NCALD: variants seen among roughly 807,000 people sequenced by gnomAD.
NCALD encodes the protein neurocalcin-delta.
NCALD carries 10 observed loss-of-function variants against 18.6 expected under a neutral mutation model. The observed-to-expected ratio is 0.54, with a 90% CI of 0.33 to 0.91. The LOEUF is 0.91. Ranked by LOEUF, NCALD falls within the 40% of genes least tolerant of loss-of-function variation. The pLI, the probability that NCALD is intolerant of heterozygous loss-of-function variation, is 0.03. For synonymous variants in NCALD, 88 were observed against 87.4 expected, an observed-to-expected ratio of 1.01 and a Z score of -0.04; for missense variants, 184 against 247.6, an observed-to-expected ratio of 0.74 and a Z score of 1.72.
At chr8:101,735,329 T>C (rs1420527486) in intron 1 of NCALD, among the ~76,000 whole-genome samples, 1 of 152,112 alleles carries the variant, frequency 6.6e-6, no homozygotes, top group African/African-American at 2.4e-5. Flanking sequence ...TAAAGGAAGC[T>C]TTGCTCCTAC....
chr8:101,911,800 G>C (rs1469317518), intron 3 of NCALD, among the ~76,000 whole-genome samples: 1 of 152,172 alleles, frequency 6.6e-6, no homozygotes, highest in Non-Finnish European at 1.5e-5. Flanking sequence ...AAAGGTTTCT[G>C]TTTCGGTCCC....
At chr8:102,004,353 C>G (rs1294949215) in intron 2 of NCALD, among the ~76,000 whole-genome samples, 5 of 152,066 alleles carry the variant, frequency 3.3e-5, no homozygotes, top group Non-Finnish European at 5.9e-5. Context: ...AGGCGAACTA[C>G]AAACCACTGC....
chr8:101,802,100 C>A (rs771998713), intron 4 of NCALD, among the ~76,000 whole-genome samples: 17 of 152,176 alleles, frequency 1.1e-4, no homozygotes, highest in Non-Finnish European at 2.4e-4. Context: ...GAGCTCAAAT[C>A]ATGTCTCTGT....
intron 1 of NCALD, among the ~76,000 whole-genome samples, chr8:102,118,990 G>A (rs1825869390): frequency 6.6e-6 from 1 of 152,170 alleles, no homozygotes; most frequent in African/African-American, 2.4e-5. Context: ...TATGTTAAAT[G>A]GTACCACCGT....
chr8:101,692,616 A>T (rs1371148579), intron 3 of NCALD, 175 bp downstream of exon 3: 1 of 981,698 alleles, frequency 1.0e-6, no homozygotes, highest in Non-Finnish European at 1.2e-6. Context: ...ATTTCCCCCA[A>T]TTCTGGGCTC....
At chr8:101,939,228 A>G (rs1818867522) in intron 2 of NCALD, among the ~76,000 whole-genome samples, 1 of 152,244 alleles carries the variant, frequency 6.6e-6, no homozygotes. Flanking sequence ...GATCTTTCCC[A>G]CAGCTTTGGT....
chr8:101,858,415 G>A (rs981341971), intron 4 of NCALD, among the ~76,000 whole-genome samples: 1 of 152,144 alleles, frequency 6.6e-6, no homozygotes, highest in Non-Finnish European at 1.5e-5. Flanking sequence ...GTGATAAAAA[G>A]GTAGTTAGAA....
Position 101,815,612 on chromosome 8 carries a change from T to C in NCALD, c.-20+71529A>G, listed in dbSNP as rs114276754. The stretch of plus-strand genomic sequence containing the variant: ...TTAAAATGAGATACTACAACACATC[T>C]ATTAGAACGCCCAAAATATGGAACA... On this transcript the variant is annotated intron_variant, in intron 4 of 6. Coordinates refer to the NCALD transcript ENST00000311028. 3.4e-3 allele frequency among the ~76,000 whole-genome samples: 515 copies of C among 152,226 alleles called. 4 individuals carry two copies. The highest frequency in any genetic ancestry group is 0.012 in the African/African-American group (497 of 41,554).
At chr8:102,025,029 G>A (rs1025549061) in intron 1 of NCALD, among the ~76,000 whole-genome samples, 9 of 152,110 alleles carry the variant, frequency 5.9e-5, no homozygotes, top group African/African-American at 1.9e-4. Flanking sequence ...TCTTTTTCAA[G>A]AGGAAAACTT....
At chr8:101,814,722 C>A (rs550591213) in intron 4 of NCALD, among the ~76,000 whole-genome samples, 9 of 152,028 alleles carry the variant, frequency 5.9e-5, no homozygotes, top group Admixed American at 2.0e-4. Context: ...CCAAAAGAAT[C>A]AAAAAACTCC....
chr8:101,706,615 A>G lies in NCALD; in HGVS notation c.378+12637T>C, dbSNP rs762901480. Among the ~76,000 whole-genome samples the G allele has an allele frequency of 8.5e-5, 13 of 152,308 alleles. No individual in the cohort carries two copies. The South Asian group carries it at 1.2e-3, about 15-fold the overall frequency. ...TGGAAATAGGGTCTTTGCAGATGCAATCAAGTTAACATGAGATCATCACGA... is the reference window on the plus strand; with the variant it reads ...TGGAAATAGGGTCTTTGCAGATGCAGTCAAGTTAACATGAGATCATCACGA... On this transcript the variant is annotated intron_variant, in intron 2 of 3. Transcript: ENST00000220931.
chr8:102,118,365 G>T (rs926898487), intron 1 of NCALD, among the ~76,000 whole-genome samples: 1 of 152,176 alleles, frequency 6.6e-6, no homozygotes, highest in Non-Finnish European at 1.5e-5. Context: ...ACTTCTGGTG[G>T]GTTCCCTGAT....
intron 1 of NCALD, among the ~76,000 whole-genome samples, chr8:102,026,034 G>A (rs1822442817): frequency 1.3e-5 from 2 of 152,100 alleles, no homozygotes; most frequent in Non-Finnish European, 2.9e-5. Context: ...ATCAGATATT[G>A]TAAGAACTCA....
chr8:101,692,020 C>G, intron 3 of NCALD: 1 of 982,338 alleles, frequency 1.0e-6, no homozygotes, highest in African/African-American at 1.7e-5. Context: ...GCCCCGTTAA[C>G]TTTGAATTTC....
intron 1 of NCALD, among the ~76,000 whole-genome samples, chr8:102,021,965 C>T (rs1198107452): frequency 1.3e-5 from 2 of 152,098 alleles, no homozygotes; most frequent in African/African-American, 4.8e-5. Flanking sequence ...TCAGTTTCCT[C>T]ATCTGTAAAA....
chr8:101,923,023 G>A (rs1325496112), intron 2 of NCALD, among the ~76,000 whole-genome samples: 1 of 152,062 alleles, frequency 6.6e-6, no homozygotes, highest in Admixed American at 6.6e-5. Flanking sequence ...GGGCTTTAAG[G>A]GGTTGATTAC....
At chr8:101,870,893 C>CA in intron 4 of NCALD, among the ~76,000 whole-genome samples, 1 of 60,340 alleles carries the variant, frequency 1.7e-5, no homozygotes, top group African/African-American at 7.6e-5. Context: ...CTACCACCGC[C>CA]CCCACCCCCC....
intron 1 of NCALD, among the ~76,000 whole-genome samples, chr8:102,039,023 C>A (rs1277897033): frequency 2.2e-4 from 34 of 152,250 alleles, no homozygotes; most frequent in Non-Finnish European, 1.5e-5. Context: ...AGGACCCCAG[C>A]CAACAGCGTG....
chr8:101,861,609 G>C (rs1005860961), intron 4 of NCALD, among the ~76,000 whole-genome samples: 1 of 150,904 alleles, frequency 6.6e-6, no homozygotes, highest in Non-Finnish European at 1.5e-5. Context: ...CTCAAGAAAA[G>C]TAAACATGAA....
Sources: gnomAD v4.1 joint callset for allele counts (sites outside exome capture counted in the v4.1 genomes callset) on GRCh38, gnomAD v4.1.1 for gene constraint, MANE v1.5 for transcripts, NCBI Gene and HGNC (gene_info 2026-07-23, HGNC 2026-07-21) for gene names.